BLACAT1: variants seen among roughly 807,000 people sequenced by gnomAD.
BLACAT1 encodes bladder cancer associated transcript 1.
chr1:205,450,425 C>T lies in BLACAT1; in HGVS notation c.-37+5492G>A, dbSNP rs945417910. On this transcript the variant is annotated intron_variant, in intron 1 of 1. Coordinates refer to ENST00000629624, the Ensembl canonical transcript of BLACAT1. The surrounding 1 kb of genome is among the most constrained non-coding windows in gnomAD (Gnocchi z 4.4). ...TTGGCAGGAGACCTGAGACGGCTCC[C>T]TGCAGGCCCCCCTCTCCTGCCTGGC... is the stretch of plus-strand genomic sequence containing the variant. Among the ~76,000 whole-genome samples, 3 of 151,550 alleles carry T rather than the reference C, an allele frequency of 2.0e-5. No individual in the cohort carries two copies. The highest frequency in any genetic ancestry group is 1.9e-4 in the East Asian group (1 of 5,150).
intron 1 of BLACAT1, among the ~76,000 whole-genome samples, chr1:205,446,982 G>T (rs1666400541): frequency 6.6e-6 from 1 of 152,242 alleles, no homozygotes; most frequent in Non-Finnish European, 1.5e-5. Context: ...TGGACAAAGG[G>T]TGATTGGAGT....
At chr1:205,445,007 G>A (rs762723492) in intron 1 of BLACAT1, among the ~76,000 whole-genome samples, 2 of 151,816 alleles carry the variant, frequency 1.3e-5, no homozygotes, top group African/African-American at 2.4e-5. Context: ...CCTTAGCACC[G>A]CGTCTCAGTA....
rs774692853 is a variant in BLACAT1, at chr1:205,450,419, G to A, written c.-37+5498C>T. Among the ~76,000 whole-genome samples, 2 of 149,574 alleles carry A rather than the reference G, an allele frequency of 1.3e-5. No individual in the cohort carries two copies. The highest frequency in any genetic ancestry group is 2.5e-5 in the African/African-American group (1 of 40,544). ...TAATTTTTGGCAGGAGACCTGAGAC[G>A]GCTCCCTGCAGGCCCCCCTCTCCTG... On this transcript the variant is annotated intron_variant, in intron 1 of 1. Coordinates refer to ENST00000629624, the Ensembl canonical transcript of BLACAT1. The surrounding 1 kb of genome is among the most constrained non-coding windows in gnomAD (Gnocchi z 4.4).
chr1:205,447,280 C>G (rs1250164119), intron 1 of BLACAT1, among the ~76,000 whole-genome samples: 3 of 152,178 alleles, frequency 2.0e-5, no homozygotes, highest in African/African-American at 7.2e-5. Context: ...ACAGGACTGT[C>G]TTGAGGATGA....
At chr1:205,453,347 G>A (rs775550506) in intron 1 of BLACAT1, among the ~76,000 whole-genome samples, 6 of 152,112 alleles carry the variant, frequency 3.9e-5, no homozygotes, top group African/African-American at 7.2e-5. Flanking sequence ...CCATGACTCC[G>A]GTCCCCTCTG....
intron 1 of BLACAT1, among the ~76,000 whole-genome samples, chr1:205,453,598 A>G (rs1428628083): frequency 6.6e-6 from 1 of 152,114 alleles, no homozygotes; most frequent in Admixed American, 6.5e-5. Context: ...GAAGGGAGAG[A>G]CGGGAGACCT....
At position 205,450,212 on chromosome 1, in the gene BLACAT1, G is replaced by A. The variant is rs1025387115; in HGVS notation, c.-37+5705C>T. On this transcript the variant is annotated intron_variant, in intron 1 of 1. Coordinates refer to ENST00000629624, the Ensembl canonical transcript of BLACAT1. This position sits in a 1 kb window ranked among gnomAD's most constrained non-coding sequence, Gnocchi z 4.4. Reference sequence around the variant, plus strand: ...TCATTGAGCCTCTGGCTGTCTGGTCGGTGAAGCACAAACCTCTTGTATCTA... The same window carrying A: ...TCATTGAGCCTCTGGCTGTCTGGTCAGTGAAGCACAAACCTCTTGTATCTA... 6.6e-5 allele frequency among the ~76,000 whole-genome samples: 10 copies of A among 151,944 alleles called. No homozygotes were observed. The highest frequency in any genetic ancestry group is 9.7e-5 in the African/African-American group (4 of 41,322).
intron 1 of BLACAT1, among the ~76,000 whole-genome samples, chr1:205,444,706 CCTT>C (rs903843668): frequency 2.0e-5 from 3 of 152,140 alleles, no homozygotes; most frequent in Non-Finnish European, 4.4e-5. Context: ...TTGGCAATGT[CCTT>C]CATCAGAGTG....
chr1:205,455,323 TCTC>T (rs1666549511), intron 1 of BLACAT1, among the ~76,000 whole-genome samples: 1 of 152,070 alleles, frequency 6.6e-6, no homozygotes, highest in Admixed American at 6.5e-5. Context: ...GTAGCTGGTG[TCTC>T]CTCTAAGCCT....
At chr1:205,452,300 G>C (rs749315394) in intron 1 of BLACAT1, among the ~76,000 whole-genome samples, 3 of 152,194 alleles carry the variant, frequency 2.0e-5, no homozygotes, top group Non-Finnish European at 2.9e-5. Flanking sequence ...CCCACATCAG[G>C]GCACTGGTTG....
chr1:205,453,809 C>G (rs1308796562), intron 1 of BLACAT1, among the ~76,000 whole-genome samples: 1 of 152,142 alleles, frequency 6.6e-6, no homozygotes, highest in African/African-American at 2.4e-5. Context: ...AAGTCCAGGA[C>G]CCAGGCCACA....
downstream of BLACAT1, chr1:205,437,493 G>A (rs1666229180): frequency 6.6e-6 from 1 of 152,286 alleles, no homozygotes; most frequent in Admixed American, 6.5e-5. Flanking sequence ...CCTGGGCCCT[G>A]GCTAGGGGAA....
intron 1 of BLACAT1, among the ~76,000 whole-genome samples, chr1:205,444,353 G>A (rs1051611400): frequency 6.6e-6 from 1 of 151,958 alleles, no homozygotes; most frequent in Non-Finnish European, 1.5e-5. Context: ...ATGGTTTACG[G>A]TCTGGGGGCA....
At chr1:205,446,022 T>A (rs1666382685) in intron 1 of BLACAT1, among the ~76,000 whole-genome samples, 2 of 152,174 alleles carry the variant, frequency 1.3e-5, no homozygotes, top group African/African-American at 4.8e-5. Flanking sequence ...TTATGCTGGG[T>A]ATATCTGAGG....
At chr1:205,453,181 C>T (rs567694689) in intron 1 of BLACAT1, among the ~76,000 whole-genome samples, 169 of 152,270 alleles carry the variant, frequency 1.1e-3, no homozygotes, top group African/African-American at 3.9e-3. Flanking sequence ...GTGGTTGAGA[C>T]GGATCTGTGG....
chr1:205,450,207 T>C lies in BLACAT1; in HGVS notation c.-37+5710A>G, dbSNP rs892532698. On this transcript the variant is annotated intron_variant, in intron 1 of 1. Coordinates refer to ENST00000629624, the Ensembl canonical transcript of BLACAT1. This position sits in a 1 kb window ranked among gnomAD's most constrained non-coding sequence, Gnocchi z 4.4. The stretch of plus-strand genomic sequence containing the variant: ...AGGTCTCATTGAGCCTCTGGCTGTC[T>C]GGTCGGTGAAGCACAAACCTCTTGT... Among the ~76,000 whole-genome samples the C allele has an allele frequency of 1.3e-5, 2 of 152,206 alleles. No individual in the cohort carries two copies. Among genetic ancestry groups the C allele is most frequent in the African/African-American group, 4.8e-5 (2 of 41,516 alleles).
intron 1 of BLACAT1, among the ~76,000 whole-genome samples, chr1:205,454,381 C>T (rs1033102787): frequency 6.6e-6 from 1 of 151,882 alleles, no homozygotes; most frequent in East Asian, 1.9e-4. Flanking sequence ...GGATGGTAGT[C>T]CCCAGCTCTG....
Position 205,454,049 on chromosome 1 carries a change from G to T in BLACAT1, c.-37+1868C>A, listed in dbSNP as rs111917494. On this transcript the variant is annotated intron_variant, in intron 1 of 1. Coordinates refer to ENST00000629624, the Ensembl canonical transcript of BLACAT1. ...GAACTGGGCTCTCCCAAGCCCCTGTGGAGTACCTCTTGGAGGAGGAGGCAG... is the reference window on the plus strand; with the variant it reads ...GAACTGGGCTCTCCCAAGCCCCTGTTGAGTACCTCTTGGAGGAGGAGGCAG... Among the ~76,000 whole-genome samples the T allele has an allele frequency of 4.6e-3, 697 of 152,292 alleles. 2 individuals carry two copies. The highest frequency in any genetic ancestry group is 0.016 in the African/African-American group (659 of 41,552).
At chr1:205,444,946 GC>G (rs538343441) in intron 1 of BLACAT1, among the ~76,000 whole-genome samples, 232 of 151,220 alleles carry the variant, frequency 1.5e-3, no homozygotes, top group African/African-American at 5.4e-3. Context: ...AGGAGGGTGT[GC>G]CCTCGACGCC....
Sources: allele counts gnomAD v4.1 joint callset (sites outside exome capture counted in the v4.1 genomes callset), GRCh38; gene constraint gnomAD v4.1.1; non-coding constraint Gnocchi (gnomAD v3.1); transcripts MANE v1.5; gene names NCBI Gene and HGNC (gene_info 2026-07-23, HGNC 2026-07-21).